Variants in FSD1 observed in about 807,000 individuals in gnomAD.
The protein encoded by FSD1 is fibronectin type III and SPRY domain containing 1.
FSD1 carries 23 observed loss-of-function variants against 58.2 expected under a neutral mutation model. The observed-to-expected ratio is 0.40, with a 90% CI of 0.28 to 0.56. The LOEUF (loss-of-function observed/expected upper bound fraction) is 0.56, where lower values mean the gene tolerates loss of function less well. Ranked by LOEUF, FSD1 falls within the 20% of genes least tolerant of loss-of-function variation. FSD1 has a pLI of 0.54. For missense variants in FSD1, 563 were observed against 670.8 expected, an observed-to-expected ratio of 0.84 and a Z score of 1.78; for synonymous variants, 265 against 263.4, an observed-to-expected ratio of 1.01 and a Z score of -0.06.
chr19:4,319,907 T>G (rs1971795598), intron 10 of FSD1, among the ~76,000 whole-genome samples: 3 of 151,744 alleles, frequency 2.0e-5, no homozygotes, highest in African/African-American at 7.3e-5. Flanking sequence ...GGCGAGAGTA[T>G]GAGGAGAAGC....
chr19:4,314,760 C>T (rs1971735061), intron 7 of FSD1, among the ~76,000 whole-genome samples: 1 of 152,230 alleles, frequency 6.6e-6, no homozygotes, highest in East Asian at 1.9e-4. Context: ...GCTGGGATGA[C>T]AGGCGTGAGC....
intron 1 of FSD1, among the ~76,000 whole-genome samples, chr19:4,305,654 G>T (rs1207656777): frequency 2.0e-5 from 3 of 152,158 alleles, no homozygotes; most frequent in Non-Finnish European, 4.4e-5. Context: ...AATTGTATCA[G>T]CCCGGAGCTT....
intron 7 of FSD1, among the ~76,000 whole-genome samples, chr19:4,312,807 AAAATAAATAAATAAAT>A (rs377254722): frequency 1.3e-5 from 2 of 148,728 alleles, no homozygotes; most frequent in South Asian, 2.1e-4. Context: ...TCCGTCTCAA[AAAATAAATAAATAAAT>A]AAATAAATAA....
intron 4 of FSD1, among the ~76,000 whole-genome samples, chr19:4,308,844 C>T (rs762435102): frequency 4.0e-5 from 6 of 150,838 alleles, no homozygotes; most frequent in Admixed American, 1.3e-4. Flanking sequence ...GGCAACAGAG[C>T]GAGACTCCGT....
intron 10 of FSD1, among the ~76,000 whole-genome samples, chr19:4,320,210 T>C (rs2144769399): frequency 6.6e-6 from 1 of 151,364 alleles, no homozygotes; most frequent in African/African-American, 2.4e-5. Flanking sequence ...CCACGTGGAG[T>C]TGGGGTCTGG....
intron 6 of FSD1, 162 bp downstream of exon 6, chr19:4,310,758 T>TC: frequency 1.3e-6 from 1 of 744,102 alleles, no homozygotes; most frequent in Non-Finnish European, 2.1e-6. Context: ...GGGGTGGAGT[T>TC]CTCATGGAGC....
intron 7 of FSD1, among the ~76,000 whole-genome samples, chr19:4,313,712 G>A (rs1287980166): frequency 5.5e-5 from 8 of 145,028 alleles, no homozygotes; most frequent in African/African-American, 1.5e-4. Context: ...GCGAGACTCC[G>A]TCTCAAAAAA....
At chr19:4,316,837 A>G (rs1971760657) in intron 7 of FSD1, among the ~76,000 whole-genome samples, 5 of 150,738 alleles carry the variant, frequency 3.3e-5, no homozygotes, top group Admixed American at 3.3e-4. Context: ...TGCAACCTCC[A>G]CCTCCCGGGT....
intron 6 of FSD1, 141 bp downstream of exon 6, chr19:4,310,737 A>G: frequency 1.0e-6 from 1 of 964,656 alleles, no homozygotes; most frequent in South Asian, 1.6e-5. Context: ...TGAGAATTCC[A>G]CGCCCTGTGG....
chr19:4,305,824 G>A (rs142429579), intron 1 of FSD1, 122 bp from the exon 2 acceptor site: 75 of 739,724 alleles, frequency 1.0e-4, no homozygotes, highest in African/African-American at 4.2e-4. Flanking sequence ...GTGCGCACGC[G>A]TGTGCATTTA....
At chr19:4,308,010 A>G in intron 4 of FSD1, 27 bp downstream of exon 4, 1 of 1,550,808 alleles carries the variant, frequency 6.4e-7, no homozygotes, top group South Asian at 1.1e-5. Context: ...CTGCCAGGTA[A>G]AGAACAGTGT....
intron 7 of FSD1, among the ~76,000 whole-genome samples, chr19:4,312,905 C>T (rs1323123304): frequency 6.6e-6 from 1 of 151,938 alleles, no homozygotes; most frequent in Non-Finnish European, 1.5e-5. Flanking sequence ...TCTCCAACCC[C>T]TGGCCTCAAG....
intron 7 of FSD1, among the ~76,000 whole-genome samples, chr19:4,316,530 A>G (rs59455844): frequency 1.3e-5 from 2 of 151,808 alleles, no homozygotes; most frequent in Middle Eastern, 6.8e-3. Context: ...CTAATTTTTT[A>G]TTTTTTATTA....
In FSD1 at chr19:4,310,553, C is replaced by G; in HGVS notation, c.447C>G (p.Phe149Leu). 6.2e-7 allele frequency: 1 copy of G among 1,613,840 alleles called. No individual in the cohort carries two copies. Among genetic ancestry groups the G allele is most frequent in the South Asian group, 1.1e-5 (1 of 91,076 alleles). The change falls in exon 6 of 13, where the codon TTC becomes TTG. Residue 149 changes from phenylalanine (F) to leucine (L), a missense_variant. Transcript: ENST00000221856. ...ACATGAGTCACCTCATGGTGGACTT[C>G]GCGCAAGAGCGGCAGATGCTACAGG... ...SDNMSHLMVD[F>L]AQERQMLQAL...
At position 4,308,002 on chromosome 19, in the gene FSD1, G is replaced by A. The variant is rs1409910920; in HGVS notation, c.345+19G>A. ...TCCTCAGGTGGGTGCCTCTGATGCT[G>A]CCAGGTAAAGAACAGTGTGCCCAGT... On this transcript the variant is annotated intron_variant, in intron 4 of 12. Coordinates refer to ENST00000221856, the MANE Select transcript of FSD1 (RefSeq NM_024333.3). 2 of 1,581,280 alleles carry A rather than the reference G, an allele frequency of 1.3e-6. No homozygotes were observed. The highest frequency in any genetic ancestry group is 1.7e-5 in the Admixed American group (1 of 58,894).
intron 6 of FSD1, chr19:4,311,314 T>G: frequency 6.3e-6 from 1 of 157,996 alleles, no homozygotes; most frequent in Non-Finnish European, 1.4e-5. Context: ...TGGCAGAGAT[T>G]TTGGAATAAT....
intron 1 of FSD1, among the ~76,000 whole-genome samples, chr19:4,304,983 G>GC (rs1035434719): frequency 4.0e-4 from 49 of 122,500 alleles, no homozygotes; most frequent in Non-Finnish European, 5.1e-4. Flanking sequence ...TGCCTTCTAC[G>GC]CCCCCCCACC....
At chr19:4,310,769 C>G (rs1219513289) in intron 6 of FSD1, 173 bp downstream of exon 6, 4 of 675,970 alleles carry the variant, frequency 5.9e-6, no homozygotes, top group Non-Finnish European at 9.7e-6. Context: ...CTCATGGAGC[C>G]CCGCCCCTGG....
chr19:4,319,088 C>T lies in FSD1; in HGVS notation c.1039+137C>T, dbSNP rs556672721. 9 of 685,090 alleles carry T rather than the reference C, an allele frequency of 1.3e-5. No homozygotes were observed. In the Admixed American group the frequency reaches 2.1e-4, roughly 16 times the overall value. 42.4% of individuals were successfully genotyped at this position (685,090 alleles called of 1,614,324 possible). A position where few individuals can be genotyped will look rare whatever the true frequency, so the allele number is the denominator to read the frequency against. On this transcript the variant is annotated intron_variant, in intron 10 of 12. Coordinates refer to ENST00000221856, the MANE Select transcript of FSD1 (RefSeq NM_024333.3). Reference sequence around the variant, plus strand: ...GCTGCTCCCGGAATAACAGGTTGTTCTGGCACTGCCCAAATGGAAATATTT... The same window carrying T: ...GCTGCTCCCGGAATAACAGGTTGTTTTGGCACTGCCCAAATGGAAATATTT...
Sources: gnomAD v4.1 joint callset for allele counts (sites outside exome capture counted in the v4.1 genomes callset) on GRCh38, gnomAD v4.1.1 for gene constraint, MANE v1.5 for transcripts, NCBI Gene and HGNC (gene_info 2026-07-23, HGNC 2026-07-21) for gene names.